POM121C: variants seen among roughly 807,000 people sequenced by gnomAD.
POM121C encodes the protein POM121 transmembrane nucleoporin C.
POM121C carries 20 observed loss-of-function variants against 66.4 expected under a neutral mutation model. The ratio of observed to expected loss-of-function variants is 0.30; its 90% confidence interval spans 0.21 to 0.44. POM121C has a LOEUF of 0.44. Among genes scored for constraint, POM121C ranks in the 20% least tolerant of loss-of-function variants. The pLI is 1.00. For missense variants in POM121C, 580 were observed against 1,225.7 expected (o/e 0.47, Z 7.87); for synonymous variants, 286 against 528.0 (o/e 0.54, Z 6.28).
intron 3 of POM121C, among the ~76,000 whole-genome samples, chr7:75,466,815 G>T (rs1332926071): frequency 2.0e-5 from 3 of 150,240 alleles, no homozygotes; most frequent in Admixed American, 2.0e-4. Context: ...GAGGCTATTA[G>T]CACAGACCCT....
At chr7:75,419,135 G>A (rs587643621) in intron 14 of POM121C, among the ~76,000 whole-genome samples, 185 bp downstream of exon 14, 13 of 152,262 alleles carry the variant, frequency 8.5e-5, no homozygotes, top group African/African-American at 4.8e-5. Flanking sequence ...CTTCCACCCC[G>A]GACAGCTCCT....
Position 75,437,691 on chromosome 7 carries a change from T to A in POM121C, c.309-5A>T, listed in dbSNP as rs782059078. On this transcript the variant is annotated splice_region_variant and splice_polypyrimidine_tract_variant and intron_variant, in intron 6 of 14. Transcript: ENST00000615331. ...CCTCTCTTCAGAGACCCAGGCCTAATAAAAGAGAAGACAGTTAGATGCTTT... is the reference window on the plus strand; with the variant it reads ...CCTCTCTTCAGAGACCCAGGCCTAAAAAAAGAGAAGACAGTTAGATGCTTT... 2 of 1,589,760 alleles carry A rather than the reference T, an allele frequency of 1.3e-6. No homozygotes were observed. Among genetic ancestry groups the A allele is most frequent in the Non-Finnish European group, 1.7e-6 (2 of 1,165,310 alleles).
intron 3 of POM121C, among the ~76,000 whole-genome samples, chr7:75,455,089 T>C (rs1221972206): frequency 6.6e-6 from 1 of 152,118 alleles, no homozygotes; most frequent in Admixed American, 6.6e-5. Context: ...GAGATGAAAT[T>C]AGAGTTAAGT....
In POM121C at chr7:75,475,105, G is replaced by C. The variant is rs587716492; in HGVS notation, c.-374C>G. The C allele has an allele frequency of 2.0e-6, 3 of 1,518,338 alleles. No homozygotes were observed. In the African/African-American group the frequency reaches 4.1e-5, roughly 21 times the overall value. 94.1% of individuals were successfully genotyped at this position (1,518,338 alleles called of 1,614,324 possible). A position where few individuals can be genotyped will look rare whatever the true frequency, so the allele number is the denominator to read the frequency against. ...TGTAGTTCTCCAACATCACATCCCC[G>C]TATGTTATCTTCTCATCAGGGTCCA... is the stretch of plus-strand genomic sequence containing the variant. On this transcript the variant is annotated 5_prime_UTR_variant, in exon 2 of 15. Coordinates refer to ENST00000615331, the MANE Select transcript of POM121C (RefSeq NM_001099415.3).
At chr7:75,443,397 C>T (rs1166489883) in intron 3 of POM121C, among the ~76,000 whole-genome samples, 1 of 152,196 alleles carries the variant, frequency 6.6e-6, no homozygotes, top group African/African-American at 2.4e-5. Flanking sequence ...TTGCACCACC[C>T]TATGAACTGT....
intron 3 of POM121C, among the ~76,000 whole-genome samples, chr7:75,462,399 G>A (rs1791474912): frequency 6.6e-6 from 1 of 151,314 alleles, no homozygotes; most frequent in African/African-American, 2.4e-5. Flanking sequence ...GGCTCAGGCA[G>A]TTCTTTCCAG....
rs782029706 is a variant in POM121C, at chr7:75,464,998, C to CT, written c.-152+9705dup. ...AGATGAAACTATCCTGTCTACAGTT[C>CT]TTTTTTTTTTTTTTGGATGGAGTTT... On this transcript the variant is annotated intron_variant, in intron 3 of 14. Transcript: ENST00000615331. Among the ~76,000 whole-genome samples the CT allele has an allele frequency of 8.3e-3, 1,111 of 133,894 alleles. 19 individuals are homozygous for CT. Among genetic ancestry groups the CT allele is most frequent in the African/African-American group, 0.027 (1,015 of 36,912 alleles). The allele number at this position is 133,894 out of a possible 152,430, so 87.8% of individuals were successfully genotyped here.
intron 1 of POM121C, among the ~76,000 whole-genome samples, chr7:75,485,198 T>A (rs1792475142): frequency 6.6e-6 from 1 of 152,170 alleles, no homozygotes; most frequent in African/African-American, 2.4e-5. Flanking sequence ...GCCATAGGAA[T>A]TGAGTATGTG....
At chr7:75,437,159 T>C (rs1790449203) in intron 7 of POM121C, among the ~76,000 whole-genome samples, 1 of 152,356 alleles carries the variant, frequency 6.6e-6, no homozygotes, top group African/African-American at 2.4e-5. Flanking sequence ...CTCGCACACA[T>C]GCACTGCTTT....
chr7:75,440,718 G>A (rs587681568), intron 5 of POM121C: 1 of 588,762 alleles, frequency 1.7e-6, no homozygotes, highest in South Asian at 2.1e-5. Context: ...GCTAATAGCT[G>A]TCAGCTTATC....
At chr7:75,474,008 G>A (rs1449627029) in intron 3 of POM121C, among the ~76,000 whole-genome samples, 1 of 152,116 alleles carries the variant, frequency 6.6e-6, no homozygotes, top group Non-Finnish European at 1.5e-5. Flanking sequence ...TATTTTTAAA[G>A]CAAGGAAGGA....
At chr7:75,452,853 C>A (rs1226259506) in intron 3 of POM121C, among the ~76,000 whole-genome samples, 1 of 152,182 alleles carries the variant, frequency 6.6e-6, no homozygotes, top group South Asian at 2.1e-4. Context: ...GGGAATAATA[C>A]AGGTACCACC....
At chr7:75,474,028 GA>G (rs1791975242) in intron 3 of POM121C, among the ~76,000 whole-genome samples, 1 of 152,126 alleles carries the variant, frequency 6.6e-6, no homozygotes, top group Non-Finnish European at 1.5e-5. Flanking sequence ...AAAGAAAATG[GA>G]AGATAAAAAG....
intron 3 of POM121C, among the ~76,000 whole-genome samples, chr7:75,459,599 C>A (rs868980106): frequency 0.013 from 559 of 43,770 alleles, 1 homozygote; most frequent in South Asian, 0.032. Flanking sequence ...GACTCTGTCT[C>A]AAAAAAAAAA....
intron 3 of POM121C, among the ~76,000 whole-genome samples, chr7:75,454,840 A>C (rs2690640): frequency 1.4e-5 from 2 of 144,092 alleles, no homozygotes; most frequent in Non-Finnish European, 3.0e-5. Flanking sequence ...CCACAGGGAA[A>C]GAGTGAAGTT....
intron 3 of POM121C, among the ~76,000 whole-genome samples, chr7:75,468,126 T>TAAAAAAAAAAAAA (rs368723160): frequency 1.6e-5 from 1 of 64,352 alleles, no homozygotes; most frequent in African/African-American, 3.9e-5. Context: ...AGACTCTGTC[T>TAAAAAAAAAAAAA]AAAAAAAAAA....
chr7:75,436,521 T>A (rs1391763986), intron 7 of POM121C, among the ~76,000 whole-genome samples: 3 of 152,230 alleles, frequency 2.0e-5, no homozygotes, highest in African/African-American at 7.2e-5. Flanking sequence ...TTATGGTTAT[T>A]AATGTTCATT....
At chr7:75,450,805 CAG>C (rs1554475464) in intron 3 of POM121C, among the ~76,000 whole-genome samples, 2 of 152,176 alleles carry the variant, frequency 1.3e-5, no homozygotes, top group South Asian at 2.1e-4. Flanking sequence ...ATCTAAATGC[CAG>C]AGTTACTACC....
At position 75,421,526 on chromosome 7, in the gene POM121C, C is replaced by T. The variant is rs781913972; in HGVS notation, c.2726G>A (p.Ser909Asn). Residue 909 changes from serine to asparagine, a missense_variant, in exon 13 of 15, where the codon AGC becomes AAC. Coordinates refer to ENST00000615331, the MANE Select transcript of POM121C (RefSeq NM_001099415.3). ...FAFNVGSTTE[S>N]KPVFGGTATP... ...CTCCTTACCTCCAAACACAGGTTTG[C>T]TCTCAGTTGTGCTGCCCACGTTGAA... is the stretch of plus-strand genomic sequence containing the variant. 5 of 1,611,002 alleles carry T rather than the reference C, an allele frequency of 3.1e-6. No individual in the cohort carries two copies. The South Asian group carries it at 5.5e-5, about 18-fold the overall frequency.
Sources: allele counts gnomAD v4.1 joint callset (sites outside exome capture counted in the v4.1 genomes callset), GRCh38; gene constraint gnomAD v4.1.1; transcripts MANE v1.5; gene names NCBI Gene and HGNC (gene_info 2026-07-23, HGNC 2026-07-21).